The following CCDC7 variants were observed in gnomAD, a reference collection of about 807,000 sequenced individuals.
CCDC7 encodes coiled-coil domain-containing protein 7.
CCDC7 carries 183 observed loss-of-function variants against 196.9 expected under a neutral mutation model. The observed-to-expected ratio is 0.93, with a 90% CI of 0.82 to 1.05. CCDC7 has a LOEUF of 1.05. CCDC7 is among the 50% of genes least tolerant of loss of function. The pLI, the probability that CCDC7 is intolerant of heterozygous loss-of-function variation, is 0.00. For missense variants in CCDC7, 1,540 were observed against 1,482.2 expected (o/e 1.04, Z -0.64); for synonymous variants, 525 against 484.6 (o/e 1.08, Z -1.10).
chr10:32,498,082 T>C (rs2043195524), intron 9 of CCDC7, among the ~76,000 whole-genome samples: 1 of 152,224 alleles, frequency 6.6e-6, no homozygotes, highest in Non-Finnish European at 1.5e-5. Context: ...TGCTCCTGTA[T>C]TGGGTGCATA....
intron 18 of CCDC7, among the ~76,000 whole-genome samples, chr10:32,606,613 G>A (rs2061583737): frequency 6.6e-6 from 1 of 152,206 alleles, no homozygotes; most frequent in Admixed American, 6.5e-5. Context: ...TGGAGTCAAA[G>A]GAGATTATTT....
exon 26 of CCDC7, chr10:32,726,760 C>A (rs1287203262): frequency 1.9e-6 from 3 of 1,599,754 alleles, no homozygotes; most frequent in South Asian, 2.2e-5. Context: ...TATGTTTGTT[C>A]ATCAAGATTC....
intron 29 of CCDC7, among the ~76,000 whole-genome samples, chr10:32,794,758 T>C (rs1273350754): frequency 6.6e-6 from 1 of 152,234 alleles, no homozygotes; most frequent in Non-Finnish European, 1.5e-5. Context: ...CCTTTGCCCA[T>C]ATTTTAATGG....
intron 20 of CCDC7, among the ~76,000 whole-genome samples, chr10:32,657,425 A>G (rs911500123): frequency 6.6e-6 from 1 of 152,120 alleles, no homozygotes; most frequent in African/African-American, 2.4e-5. Context: ...CCCAAATCTC[A>G]ATTCTTGACT....
At chr10:32,809,027 T>G (rs894841979) in intron 30 of CCDC7, among the ~76,000 whole-genome samples, 1 of 152,138 alleles carries the variant, frequency 6.6e-6, no homozygotes, top group Non-Finnish European at 1.5e-5. Context: ...AAAAACTTTT[T>G]TTAATTTGAA....
At chr10:32,728,775 C>A in intron 26 of CCDC7, 112 bp from the exon 28 acceptor site, 1 of 542,158 alleles carries the variant, frequency 1.8e-6, no homozygotes, top group East Asian at 3.2e-5. Context: ...TGTGTCAGAT[C>A]TAGCATTATG....
intron 20 of CCDC7, among the ~76,000 whole-genome samples, chr10:32,649,160 G>A (rs1439015752): frequency 6.6e-6 from 1 of 152,188 alleles, no homozygotes; most frequent in African/African-American, 2.4e-5. Flanking sequence ...ACCTGTGGGA[G>A]TTGTGGTGGG....
chr10:32,463,076 A>C, intron 5 of CCDC7, 27 bp downstream of exon 6: 1 of 1,611,198 alleles, frequency 6.2e-7, no homozygotes, highest in Non-Finnish European at 8.5e-7. Flanking sequence ...AAAATTGTTA[A>C]GTTAATATTT....
chr10:32,498,000 G>T (rs1256884131), intron 9 of CCDC7, among the ~76,000 whole-genome samples: 3 of 152,204 alleles, frequency 2.0e-5, no homozygotes, highest in South Asian at 2.1e-4. Context: ...GGGTGTTAAA[G>T]TCTCCCACAA....
At chr10:32,673,482 C>T (rs1201034670) in intron 21 of CCDC7, among the ~76,000 whole-genome samples, 1 of 151,914 alleles carries the variant, frequency 6.6e-6, no homozygotes, top group Admixed American at 6.6e-5. Context: ...TTTTGCCTTT[C>T]GAATAAGTGT....
chr10:32,759,633 T>C (rs1210252756), intron 28 of CCDC7, among the ~76,000 whole-genome samples: 1 of 152,150 alleles, frequency 6.6e-6, no homozygotes, highest in Non-Finnish European at 1.5e-5. Flanking sequence ...CCTAATACCA[T>C]AAAAACCCTA....
chr10:32,556,164 C>T (rs918976623), intron 13 of CCDC7, among the ~76,000 whole-genome samples: 4 of 152,160 alleles, frequency 2.6e-5, no homozygotes, highest in African/African-American at 9.7e-5. Context: ...TAGTCTGCCA[C>T]AGTGGGGTAT....
chr10:32,854,461 C>T, exon 41 of CCDC7: 3 of 1,602,442 alleles, frequency 1.9e-6, no homozygotes, highest in Non-Finnish European at 2.6e-6. Context: ...CTACTGTGAC[C>T]AATACAGTTG....
chr10:32,629,206 G>A (rs1051487296), intron 18 of CCDC7, among the ~76,000 whole-genome samples: 4 of 152,062 alleles, frequency 2.6e-5, no homozygotes, highest in Non-Finnish European at 5.9e-5. Context: ...ATTTACAAGT[G>A]TTACATTCTT....
chr10:32,738,744 G>A (rs1018521218), intron 28 of CCDC7, among the ~76,000 whole-genome samples: 2 of 151,956 alleles, frequency 1.3e-5, no homozygotes, highest in Non-Finnish European at 2.9e-5. Flanking sequence ...AAAATGCTGG[G>A]ACTACAGGCA....
intron 24 of CCDC7, among the ~76,000 whole-genome samples, chr10:32,703,391 G>T (rs2079103584): frequency 6.6e-6 from 1 of 152,072 alleles, no homozygotes; most frequent in African/African-American, 2.4e-5. Flanking sequence ...TCCGCTATTA[G>T]TCTGATGGGC....
At chr10:32,489,625 G>A (rs1334068323) in intron 8 of CCDC7, among the ~76,000 whole-genome samples, 2 of 152,198 alleles carry the variant, frequency 1.3e-5, no homozygotes, top group African/African-American at 2.4e-5. Context: ...AGTGGTTCCA[G>A]GATTGAGCTG....
At chr10:32,778,848 TTCTTTTGCAG>T in intron 28 of CCDC7, 119 bp from the exon 30 acceptor site, 1 of 646,884 alleles carries the variant, frequency 1.5e-6, no homozygotes, top group Non-Finnish European at 2.7e-6. Flanking sequence ...CATTTCTGAT[TTCTTTTGCAG>T]TGTTTTTGCA....
rs370001545 is a variant in CCDC7, at chr10:32,752,854, A to G, written c.2905+23397A>G. 5.9e-5 allele frequency among the ~76,000 whole-genome samples: 9 copies of G among 151,988 alleles called. No homozygotes were observed. The East Asian group carries it at 1.2e-3, about 20-fold the overall frequency. On this transcript the variant is annotated intron_variant, in intron 28 of 41. Coordinates refer to ENST00000639629, the Ensembl canonical transcript of CCDC7. ...CTCAGACCCCTGTCCTTAACTTTCC[A>G]TATTTGTTATTATGTAATTTTTTTT...
Sources: allele counts gnomAD v4.1 joint callset (sites outside exome capture counted in the v4.1 genomes callset), GRCh38; gene constraint gnomAD v4.1.1; transcripts MANE v1.5; gene names NCBI Gene and HGNC (gene_info 2026-07-23, HGNC 2026-07-21).